Variants in CKAP5 observed in about 807,000 individuals in gnomAD.
The protein encoded by CKAP5 is cytoskeleton-associated protein 5.
In CKAP5, 27 loss-of-function variants were observed where a neutral mutation model predicts 232.8. The ratio of observed to expected loss-of-function variants is 0.12; its 90% confidence interval spans 0.09 to 0.16. CKAP5 has a LOEUF of 0.16. CKAP5 is among the 10% of genes least tolerant of loss of function. The probability of loss-of-function intolerance (pLI) is 1.00; values close to 1 mark genes in which losing one functional copy is unlikely to be tolerated. For missense variants in CKAP5, 1,838 were observed against 2,424.7 expected (o/e 0.76, Z 5.08); for synonymous variants, 785 against 841.1 (o/e 0.93, Z 1.16).
At chr11:46,756,921 A>ATTT (rs574875888) in intron 35 of CKAP5, among the ~76,000 whole-genome samples, 1 of 131,174 alleles carries the variant, frequency 7.6e-6, no homozygotes, top group Admixed American at 7.7e-5. Flanking sequence ...ATGCCCGGCT[A>ATTT]TTTTTTTTTT....
At chr11:46,788,579 A>C in intron 16 of CKAP5, 102 bp downstream of exon 16, 1 of 767,226 alleles carries the variant, frequency 1.3e-6, no homozygotes, top group Admixed American at 2.8e-5. Flanking sequence ...CGTCTCAAAA[A>C]AAAAAAAATC....
rs1347302046 is a variant in CKAP5, at chr11:46,819,876, T to C, written c.57+1299A>G. The stretch of plus-strand genomic sequence containing the variant: ...CATTTACTAACCAATTTAAACCAGA[T>C]TTATTTTTTTATTTTTTAAAATTGG... On this transcript the variant is annotated intron_variant, in intron 2 of 43. Coordinates refer to ENST00000529230, the MANE Select transcript of CKAP5 (RefSeq NM_001008938.4). Among the ~76,000 whole-genome samples, 8 of 152,134 alleles carry C rather than the reference T, an allele frequency of 5.3e-5. No individual in the cohort carries two copies. In the East Asian group the frequency reaches 1.5e-3, roughly 29 times the overall value.
At chr11:46,753,153 A>T (rs1228325299) in intron 37 of CKAP5, 157 bp downstream of exon 37, 1 of 543,970 alleles carries the variant, frequency 1.8e-6, no homozygotes, top group East Asian at 3.2e-5. Flanking sequence ...TTTAACTGAT[A>T]TAGTTATAAC....
At position 46,759,274 on chromosome 11, in the gene CKAP5, T is replaced by C. The variant is rs781374348; in HGVS notation, c.4563A>G (p.Glu1521=). The change falls in exon 34 of 44, where the codon GAA becomes GAG. Residue 1521 remains glutamate, a synonymous_variant. Transcript: ENST00000529230. ...DDIFEPVLIP[E]PKIRAVSPHF... ...AATGAAAGAGTTTAACTCACTTGGG[T>C]TCAGGAATAAGGACTGGCTCAAAAA... 6.2e-7 allele frequency: 1 copy of C among 1,612,340 alleles called. No individual in the cohort carries two copies. The highest frequency in any genetic ancestry group is 8.5e-7 in the Non-Finnish European group (1 of 1,179,288).
At chr11:46,795,115 G>A (rs1182093129) in intron 13 of CKAP5, among the ~76,000 whole-genome samples, 3 of 152,088 alleles carry the variant, frequency 2.0e-5, no homozygotes, top group South Asian at 4.2e-4. Context: ...GATCACCTGA[G>A]GTCAGGAGTT....
chr11:46,781,382 CCTCT>C (rs540300737), intron 18 of CKAP5, among the ~76,000 whole-genome samples: 36 of 151,886 alleles, frequency 2.4e-4, no homozygotes, highest in African/African-American at 8.2e-4. Flanking sequence ...TCTTTGATCT[CCTCT>C]CTGTCTTCTC....
chr11:46,829,550 TTTC>T (rs1939728892), intron 1 of CKAP5, among the ~76,000 whole-genome samples: 1 of 152,170 alleles, frequency 6.6e-6, no homozygotes, highest in Non-Finnish European at 1.5e-5. Context: ...TCCTTCTGAT[TTTC>T]TTAACATTTT....
Position 46,743,954 on chromosome 11 carries a change from C to A in CKAP5, c.*69G>T. 1 of 1,600,750 alleles carries A rather than the reference C, an allele frequency of 6.2e-7. No homozygotes were observed. The highest frequency in any genetic ancestry group is 8.5e-7 in the Non-Finnish European group (1 of 1,172,164). Reference sequence around the variant, plus strand: ...TTGTATACACTAGGCCTGCTGAGGCCATTTTAAACTATGAGGACTTCTAGT... The same window carrying A: ...TTGTATACACTAGGCCTGCTGAGGCAATTTTAAACTATGAGGACTTCTAGT... On this transcript the variant is annotated 3_prime_UTR_variant, in exon 44 of 44. Coordinates refer to ENST00000529230, the MANE Select transcript of CKAP5 (RefSeq NM_001008938.4).
chr11:46,767,728 T>A, intron 26 of CKAP5, 65 bp from the exon 27 acceptor site: 1 of 949,930 alleles, frequency 1.1e-6, no homozygotes, highest in Non-Finnish European at 1.6e-6. Flanking sequence ...TTGGACAGGT[T>A]AAATATATAA....
intron 2 of CKAP5, 47 bp downstream of exon 2, chr11:46,821,128 C>T (rs774710358): frequency 2.1e-4 from 298 of 1,437,074 alleles, no homozygotes; most frequent in Non-Finnish European, 2.8e-4. Flanking sequence ...TAACTGCTCA[C>T]AAAACAAGCC....
chr11:46,826,140 C>T lies in CKAP5; in HGVS notation c.-37-4872G>A, dbSNP rs529832024. On this transcript the variant is annotated intron_variant, in intron 1 of 43. Transcript: ENST00000529230. ...CTAATCTTGGGACAGTGGCGTCCCA[C>T]AAATTCCTTCAGAGATGGAGAGGGG... is the stretch of plus-strand genomic sequence containing the variant. Among the ~76,000 whole-genome samples, 5 of 152,326 alleles carry T rather than the reference C, an allele frequency of 3.3e-5. 1 individual carries two copies. Among genetic ancestry groups the T allele is most frequent in the African/African-American group, 1.2e-4 (5 of 41,578 alleles).
chr11:46,812,767 A>G (rs533195048), intron 4 of CKAP5, among the ~76,000 whole-genome samples: 1 of 152,160 alleles, frequency 6.6e-6, no homozygotes, highest in South Asian at 2.1e-4. Flanking sequence ...TCCCCCAAGC[A>G]GCTGAGACTA....
At chr11:46,785,854 A>G (rs2065387356) in intron 16 of CKAP5, among the ~76,000 whole-genome samples, 1 of 152,172 alleles carries the variant, frequency 6.6e-6, no homozygotes, top group Non-Finnish European at 1.5e-5. Context: ...CTGAGGTGGG[A>G]GGATCACTTG....
At chr11:46,816,529 T>A in intron 3 of CKAP5, 125 bp from the exon 4 acceptor site, 3 of 671,148 alleles carry the variant, frequency 4.5e-6, no homozygotes, top group Non-Finnish European at 7.6e-6. Flanking sequence ...CTTTAATTTT[T>A]AAATTTATGT....
Position 46,797,876 on chromosome 11 carries a change from T to C in CKAP5, c.1267A>G (p.Ser423Gly). ...GTAGAAGCAGTGCAGTGGCGGAAAC[T>C]TCTTGCAATAAAAAGAGATGTCTGC... ...KQQTSLFIARSFRHCTASTLP... is the reference protein window; with the variant it reads ...KQQTSLFIARGFRHCTASTLP... Residue 423 changes from serine to glycine, a missense_variant, in exon 11 of 44, where the codon AGT (serine) becomes GGT (glycine). By Grantham distance (56) the Ser-to-Gly change is moderately conservative (BLOSUM62 0). This residue lies in a region of CKAP5 where 767 missense variants were observed against 954.6 expected (regional missense o/e 0.80). Coordinates refer to ENST00000529230, the MANE Select transcript of CKAP5 (RefSeq NM_001008938.4). The C allele has an allele frequency of 6.2e-7, 1 of 1,614,120 alleles. No individual in the cohort carries two copies. Among genetic ancestry groups the C allele is most frequent in the South Asian group, 1.1e-5 (1 of 91,080 alleles).
chr11:46,842,590 A>C, intron 1 of CKAP5, among the ~76,000 whole-genome samples: 1 of 152,202 alleles, frequency 6.6e-6, no homozygotes, highest in East Asian at 1.9e-4. Context: ...TACAGATGCT[A>C]ATAAAACCAT....
In CKAP5 at chr11:46,761,270, C is replaced by T. The variant is rs1254842265; in HGVS notation, c.4222-486G>A. 5.7e-5 allele frequency among the ~76,000 whole-genome samples: 8 copies of T among 139,418 alleles called. 1 individual carries two copies. In the South Asian group the frequency reaches 1.2e-3, roughly 20 times the overall value. 91.5% of individuals were successfully genotyped at this position (139,418 alleles called of 152,430 possible). ...TCTCAAAAAAAAAAAAAAAAAGAAACGATAAAAAAAAGAAAGCCAATTAGT... is the reference window on the plus strand; with the variant it reads ...TCTCAAAAAAAAAAAAAAAAAGAAATGATAAAAAAAAGAAAGCCAATTAGT... On this transcript the variant is annotated intron_variant, in intron 32 of 43. Transcript: ENST00000529230.
intron 26 of CKAP5, among the ~76,000 whole-genome samples, chr11:46,769,147 T>C (rs1161600070): frequency 6.6e-6 from 1 of 152,152 alleles, no homozygotes; most frequent in Non-Finnish European, 1.5e-5. Flanking sequence ...CTCAAACTCC[T>C]GACTTCAATG....
chr11:46,798,048 T>A, intron 10 of CKAP5, 35 bp downstream of exon 10: 1 of 1,606,384 alleles, frequency 6.2e-7, no homozygotes, highest in Non-Finnish European at 8.5e-7. Context: ...AAACTTTACT[T>A]CAGATAAAAC....
Sources: gnomAD v4.1 joint callset for allele counts (sites outside exome capture counted in the v4.1 genomes callset) on GRCh38, gnomAD v4.1.1 for gene constraint, gnomAD v4.1.1 regional missense constraint, MANE v1.5 for transcripts, NCBI Gene and HGNC (gene_info 2026-07-23, HGNC 2026-07-21) for gene names.